The following EYS variants were observed in gnomAD, a reference collection of about 807,000 sequenced individuals.
EYS encodes the protein EGF-like photoreceptor maintenance factor.
Under a neutral mutation model 282.1 loss-of-function variants are expected in EYS, and 250 were observed. The ratio of observed to expected loss-of-function variants is 0.89; its 90% CI spans 0.80 to 0.98. The LOEUF (loss-of-function observed/expected upper bound fraction) is 0.98. Among genes scored for constraint, EYS ranks in the 50% least tolerant of loss-of-function variants. The probability of loss-of-function intolerance (pLI) is 0.00; values close to 1 mark genes in which losing one functional copy is unlikely to be tolerated. For synonymous variants in EYS, 1,355 were observed against 1,282.9 expected, an observed-to-expected ratio of 1.06 and a Z score of -1.20; for missense variants, 4,016 against 3,709.0, an observed-to-expected ratio of 1.08 and a Z score of -2.15.
At chr6:64,009,429 A>G (rs1000867025) in intron 33 of EYS, among the ~76,000 whole-genome samples, 13 of 144,706 alleles carry the variant, frequency 9.0e-5, no homozygotes, top group Admixed American at 7.4e-4. Flanking sequence ...GACTACAGGC[A>G]CCCACCACCA....
chr6:65,403,523 G>A (rs1766598338), intron 6 of EYS, among the ~76,000 whole-genome samples: 1 of 151,646 alleles, frequency 6.6e-6, no homozygotes, highest in Non-Finnish European at 1.5e-5. Flanking sequence ...TATTCTCATT[G>A]AATCCAATCA....
At chr6:64,543,903 T>C (rs1376630572) in intron 26 of EYS, among the ~76,000 whole-genome samples, 7 of 152,196 alleles carry the variant, frequency 4.6e-5, no homozygotes, top group Admixed American at 6.5e-5. Flanking sequence ...CTTGTAGGTT[T>C]AGTATTCAAA....
At chr6:65,097,180 C>G (rs1457473041) in intron 12 of EYS, among the ~76,000 whole-genome samples, 1 of 150,798 alleles carries the variant, frequency 6.6e-6, no homozygotes, top group Non-Finnish European at 1.5e-5. Context: ...TATAAATTGG[C>G]AAAGAATCTG....
chr6:65,344,058 G>T lies in EYS; in HGVS notation c.1579C>A (p.Pro527Thr), dbSNP rs1162617788. The change falls in exon 10 of 43, where the codon CCA becomes ACA. Residue 527 changes from proline (P) to threonine (T), a missense_variant. By Grantham distance (38) the Pro-to-Thr change is conservative. Transcript: ENST00000503581. ...PEDNNSSCWF[P>T]HEGTKEICAN... ...CTTACCTCTTTTGTGCCTTCATGTG[G>T]GAACCAACATGAAGAATTATTATCT... 3 of 1,610,254 alleles carry T rather than the reference G, an allele frequency of 1.9e-6. No individual in the cohort carries two copies. Among genetic ancestry groups the T allele is most frequent in the Admixed American group, 1.7e-5 (1 of 59,660 alleles).
At chr6:64,052,720 C>T (rs1770849731) in intron 33 of EYS, among the ~76,000 whole-genome samples, 1 of 152,098 alleles carries the variant, frequency 6.6e-6, no homozygotes, top group African/African-American at 2.4e-5. Context: ...GTAATTGAAT[C>T]ATGGCGGTGG....
chr6:64,494,422 A>C (rs1446539042), intron 26 of EYS, among the ~76,000 whole-genome samples: 1 of 151,654 alleles, frequency 6.6e-6, no homozygotes, highest in South Asian at 2.1e-4. Flanking sequence ...TATTGCACCC[A>C]GGACTGTACC....
intron 29 of EYS, among the ~76,000 whole-genome samples, chr6:64,329,467 G>C (rs1770558997): frequency 1.3e-5 from 2 of 152,088 alleles, no homozygotes; most frequent in Admixed American, 6.6e-5. Context: ...CTCTATGAGA[G>C]ATGCAAAATT....
chr6:65,366,884 T>C (rs1351867256), intron 8 of EYS, among the ~76,000 whole-genome samples: 2 of 151,586 alleles, frequency 1.3e-5, no homozygotes, highest in African/African-American at 4.8e-5. Flanking sequence ...CTTTAAAAAA[T>C]AACACTCCAA....
chr6:64,016,957 G>T (rs1177666154), intron 33 of EYS, among the ~76,000 whole-genome samples: 4 of 151,946 alleles, frequency 2.6e-5, no homozygotes, highest in Admixed American at 2.6e-4. Flanking sequence ...TAAGATGGAG[G>T]ACTCCCTTCT....
chr6:63,932,906 C>G (rs1004830528), intron 35 of EYS, among the ~76,000 whole-genome samples: 1 of 152,250 alleles, frequency 6.6e-6, no homozygotes, highest in Admixed American at 6.5e-5. Flanking sequence ...CAAGCACAGG[C>G]TGTGACCTGC....
At chr6:64,534,536 C>A (rs1764458143) in intron 26 of EYS, among the ~76,000 whole-genome samples, 1 of 151,964 alleles carries the variant, frequency 6.6e-6, no homozygotes, top group Admixed American at 6.6e-5. Flanking sequence ...CTGTATTTTT[C>A]TTTTTCCCTT....
intron 29 of EYS, among the ~76,000 whole-genome samples, chr6:64,307,929 T>C (rs1224181102): frequency 6.6e-6 from 1 of 152,036 alleles, no homozygotes; most frequent in Non-Finnish European, 1.5e-5. Context: ...CTCATGCCTA[T>C]ATATCTTAGT....
chr6:65,116,472 T>C (rs1161730671), intron 12 of EYS, among the ~76,000 whole-genome samples: 1 of 152,090 alleles, frequency 6.6e-6, no homozygotes, highest in African/African-American at 2.4e-5. Context: ...CTTAAAGAGA[T>C]AATCTATCTC....
chr6:63,739,753 G>C (rs1269284822), intron 41 of EYS, among the ~76,000 whole-genome samples: 1 of 152,032 alleles, frequency 6.6e-6, no homozygotes, highest in African/African-American at 2.4e-5. Context: ...GAATGCAGTG[G>C]TGTGATCTTG....
intron 26 of EYS, among the ~76,000 whole-genome samples, chr6:64,508,983 C>T (rs1179099645): frequency 1.3e-5 from 2 of 151,982 alleles, no homozygotes; most frequent in African/African-American, 2.4e-5. Flanking sequence ...CTTCGTTAAA[C>T]AGATCAACAA....
chr6:63,839,198 C>A (rs1771885452), intron 36 of EYS, among the ~76,000 whole-genome samples: 2 of 152,174 alleles, frequency 1.3e-5, no homozygotes, highest in African/African-American at 2.4e-5. Flanking sequence ...CATTAACTAA[C>A]CTTTGGCTAT....
chr6:63,732,987 G>T (rs1021497925), intron 41 of EYS, among the ~76,000 whole-genome samples: 17 of 152,114 alleles, frequency 1.1e-4, no homozygotes, highest in African/African-American at 3.9e-4. Flanking sequence ...GGCAGGAAAG[G>T]CATTATGAAG....
chr6:65,281,955 A>G (rs1768234229), intron 12 of EYS, among the ~76,000 whole-genome samples: 1 of 152,060 alleles, frequency 6.6e-6, no homozygotes, highest in Admixed American at 6.6e-5. Flanking sequence ...GTTGATGCAT[A>G]ATAGGTTGAT....
intron 41 of EYS, among the ~76,000 whole-genome samples, chr6:63,739,949 C>G (rs1008150624): frequency 6.6e-6 from 1 of 151,544 alleles, no homozygotes; most frequent in African/African-American, 2.4e-5. Context: ...CCACCCACCT[C>G]AGCCTCCCAA....
Sources: allele counts gnomAD v4.1 joint callset (sites outside exome capture counted in the v4.1 genomes callset), GRCh38; gene constraint gnomAD v4.1.1; transcripts MANE v1.5; gene names NCBI Gene and HGNC (gene_info 2026-07-23, HGNC 2026-07-21).